Variants in GRIK4 observed in about 807,000 individuals in gnomAD.
GRIK4 encodes the protein glutamate receptor ionotropic, kainate 4.
In GRIK4, 40 loss-of-function variants were observed where a neutral mutation model predicts 104.9. The observed-to-expected ratio is 0.38, with a 90% CI of 0.30 to 0.50. The LOEUF (loss-of-function observed/expected upper bound fraction) is 0.50, where lower values mean the gene tolerates loss of function less well. GRIK4 is among the 20% of genes least tolerant of loss of function. The probability of loss-of-function intolerance (pLI) is 0.93; values close to 1 mark genes in which losing one functional copy is unlikely to be tolerated. For missense variants in GRIK4, 1,047 were observed against 1,308.1 expected, an observed-to-expected ratio of 0.80 and a Z score of 3.08; for synonymous variants, 485 against 524.9, an observed-to-expected ratio of 0.92 and a Z score of 1.04.
chr11:120,841,597 A>G (rs1953718167), intron 8 of GRIK4, among the ~76,000 whole-genome samples: 1 of 152,134 alleles, frequency 6.6e-6, no homozygotes, highest in Admixed American at 6.5e-5. Context: ...ATGTCTGTTC[A>G]AGTCCCTGCT....
chr11:120,663,971 A>G (rs1949862403), intron 3 of GRIK4, among the ~76,000 whole-genome samples: 1 of 152,208 alleles, frequency 6.6e-6, no homozygotes, highest in Non-Finnish European at 1.5e-5. Flanking sequence ...TTGCCGTGTT[A>G]TATTCTAAAG....
chr11:120,781,796 A>G (rs1462247202), intron 3 of GRIK4, among the ~76,000 whole-genome samples: 1 of 152,156 alleles, frequency 6.6e-6, no homozygotes, highest in Non-Finnish European at 1.5e-5. Context: ...CTAGGTTTAG[A>G]ACCCTCCAGT....
intron 1 of GRIK4, among the ~76,000 whole-genome samples, chr11:120,566,822 G>C (rs542862426): frequency 3.3e-5 from 5 of 151,438 alleles, no homozygotes; most frequent in Non-Finnish European, 7.4e-5. Context: ...CCTTGCCCCA[G>C]CCTCCCGAGT....
In GRIK4 at chr11:120,819,827, C is replaced by T; in HGVS notation, c.418C>T (p.His140Tyr). ...QFQRFTTLNL[H>Y]PSNTDISVAV... ...CCAGAGATTCACAACCCTGAACCTC[C>T]ACCCCAGCAACACTGACATCAGCGT... Residue 140 changes from histidine to tyrosine, a missense_variant, in exon 6 of 21, where the codon CAC becomes TAC. His to Tyr is a moderately conservative substitution (Grantham distance 83, BLOSUM62 2). This residue lies in a region of GRIK4 where 447 missense variants were observed against 514.9 expected (regional missense o/e 0.87). Coordinates refer to ENST00000527524, the MANE Select transcript of GRIK4 (RefSeq NM_014619.5). This position sits in a 1 kb window ranked among gnomAD's most constrained non-coding sequence, Gnocchi z 4.3. The T allele has an allele frequency of 6.2e-7, 1 of 1,614,044 alleles. No individual in the cohort carries two copies. Among genetic ancestry groups the T allele is most frequent in the Non-Finnish European group, 8.5e-7 (1 of 1,179,888 alleles).
At chr11:120,651,438 G>A (rs889796717) in intron 1 of GRIK4, among the ~76,000 whole-genome samples, 9 of 152,190 alleles carry the variant, frequency 5.9e-5, no homozygotes, top group African/African-American at 1.9e-4. Flanking sequence ...TTAGGGGTCT[G>A]AAATCTGTGT....
intron 8 of GRIK4, among the ~76,000 whole-genome samples, chr11:120,842,635 T>C (rs1246222991): frequency 2.0e-5 from 3 of 152,360 alleles, no homozygotes; most frequent in African/African-American, 4.8e-5. Context: ...CACTTAGTTA[T>C]AAGGATGTCA....
At chr11:120,637,745 G>T (rs969840280) in intron 1 of GRIK4, among the ~76,000 whole-genome samples, 2 of 152,068 alleles carry the variant, frequency 1.3e-5, no homozygotes, top group African/African-American at 4.8e-5. Context: ...GTGTGCCAGG[G>T]TGCTTAAAGC....
chr11:120,610,857 C>T (rs1280344949), intron 1 of GRIK4, among the ~76,000 whole-genome samples: 2 of 152,162 alleles, frequency 1.3e-5, no homozygotes, highest in African/African-American at 4.8e-5. Context: ...TAGTGAGTCA[C>T]AAGCCTGGGT....
At chr11:120,936,252 C>T in intron 13 of GRIK4, 1 of 487,994 alleles carries the variant, frequency 2.0e-6, no homozygotes, top group Non-Finnish European at 4.0e-6. Context: ...TCATCTGCCG[C>T]CGTGTTAGTC....
intron 3 of GRIK4, among the ~76,000 whole-genome samples, chr11:120,787,637 A>AT (rs1187350157): frequency 6.8e-6 from 1 of 146,978 alleles, no homozygotes; most frequent in East Asian, 2.1e-4. Flanking sequence ...TAATTTTTGT[A>AT]TTTTTAGTGG....
At chr11:120,814,884 G>A (rs749939709) in intron 4 of GRIK4, among the ~76,000 whole-genome samples, 14 of 152,068 alleles carry the variant, frequency 9.2e-5, no homozygotes, top group Admixed American at 5.2e-4. Flanking sequence ...TTTGACTTTA[G>A]CCACCCCTGC....
chr11:120,532,576 C>T (rs374687784), intron 1 of GRIK4, among the ~76,000 whole-genome samples: 9 of 152,288 alleles, frequency 5.9e-5, no homozygotes, highest in South Asian at 4.1e-4. Flanking sequence ...ATAGTTTGCT[C>T]GCTTTGCCTT....
intron 14 of GRIK4, among the ~76,000 whole-genome samples, chr11:120,947,491 G>T (rs972599113): frequency 3.9e-5 from 6 of 152,102 alleles, no homozygotes; most frequent in African/African-American, 1.4e-4. Flanking sequence ...TTTCAAGAAG[G>T]TCTGTTTCAT....
At chr11:120,895,367 TG>T in intron 11 of GRIK4, among the ~76,000 whole-genome samples, 1 of 152,340 alleles carries the variant, frequency 6.6e-6, no homozygotes, top group East Asian at 1.9e-4. Flanking sequence ...TTGCTCTTTC[TG>T]TTCTTTCTGC....
At chr11:120,877,764 CA>C (rs1305513386) in intron 11 of GRIK4, among the ~76,000 whole-genome samples, 3 of 152,122 alleles carry the variant, frequency 2.0e-5, no homozygotes, top group Non-Finnish European at 4.4e-5. Context: ...GAGATGATTA[CA>C]GCGGAGGAAC....
intron 3 of GRIK4, among the ~76,000 whole-genome samples, chr11:120,720,173 G>A (rs1950905130): frequency 6.6e-6 from 1 of 152,118 alleles, no homozygotes; most frequent in Non-Finnish European, 1.5e-5. Flanking sequence ...AGAGAAAGGA[G>A]GGGAGAGGGT....
At chr11:120,685,714 T>C (rs1245436665) in intron 3 of GRIK4, among the ~76,000 whole-genome samples, 1 of 152,226 alleles carries the variant, frequency 6.6e-6, no homozygotes, top group Non-Finnish European at 1.5e-5. Flanking sequence ...CCTTCACTTT[T>C]GCAGCAGTTG....
chr11:120,518,373 C>T (rs764177307), intron 1 of GRIK4, among the ~76,000 whole-genome samples: 12 of 152,152 alleles, frequency 7.9e-5, no homozygotes, highest in Non-Finnish European at 1.3e-4. Context: ...TAGCCCAGTC[C>T]GGTTCCTAAG....
intron 1 of GRIK4, chr11:120,515,165 C>T (rs1947711000): frequency 5.0e-6 from 2 of 396,086 alleles, no homozygotes; most frequent in Non-Finnish European, 5.1e-6. Context: ...GTGTCCTCAC[C>T]CTGGCCCTTT....
Sources: allele counts gnomAD v4.1 joint callset (sites outside exome capture counted in the v4.1 genomes callset), GRCh38; gene constraint gnomAD v4.1.1; regional missense constraint gnomAD v4.1.1; non-coding constraint Gnocchi (gnomAD v3.1); transcripts MANE v1.5; gene names NCBI Gene and HGNC (gene_info 2026-07-23, HGNC 2026-07-21).